The following LEPR variants were observed in gnomAD, a reference collection of about 807,000 sequenced individuals.
LEPR encodes the protein OB receptor.
Under a neutral mutation model 114.7 loss-of-function variants are expected in LEPR, and 56 were observed. The ratio of observed to expected loss-of-function variants is 0.49; its 90% confidence interval spans 0.39 to 0.61. The LOEUF (loss-of-function observed/expected upper bound fraction) is 0.61, where lower values mean the gene tolerates loss of function less well. Ranked by LOEUF, LEPR falls within the 20% of genes least tolerant of loss-of-function variation. LEPR has a pLI of 0.00. For synonymous variants in LEPR, 443 were observed against 461.4 expected, an observed-to-expected ratio of 0.96 and a Z score of 0.51; for missense variants, 1,202 against 1,352.9, an observed-to-expected ratio of 0.89 and a Z score of 1.75.
At position 65,610,269 on chromosome 1, in the gene LEPR, G is replaced by C. The variant is rs1805094; in HGVS notation, c.1968G>C (p.Lys656Asn). Residue 656 changes from lysine to asparagine, a missense_variant, in exon 14 of 20, where the codon AAG (lysine) becomes AAC (asparagine). By Grantham distance (94) the Lys-to-Asn change is moderately conservative (BLOSUM62 0). Transcript: ENST00000349533. ...TAATTAATGGAGATACTATGAAAAA[G>C]GAGAAAAATGTCACTTTACTTTGGA... ...WRIINGDTMKKEKNVTLLWKP... is the reference protein window; with the variant it reads ...WRIINGDTMKNEKNVTLLWKP... 0.17 allele frequency: 270,625 copies of C among 1,611,922 alleles called. 23,611 individuals carry two copies. The highest frequency in any genetic ancestry group is 0.25 in the Middle Eastern group (1,485 of 6,034).
At chr1:65,550,120 G>T (rs1444234253) in intron 2 of LEPR, among the ~76,000 whole-genome samples, 6 of 152,194 alleles carry the variant, frequency 3.9e-5, no homozygotes, top group African/African-American at 9.6e-5. Context: ...AGTGTCTGCA[G>T]AACCGCGGAT....
intron 1 of LEPR, among the ~76,000 whole-genome samples, chr1:65,422,537 C>T (rs1646271380): frequency 6.6e-6 from 1 of 152,224 alleles, no homozygotes; most frequent in African/African-American, 2.4e-5. Context: ...GAAGCTGATG[C>T]AGGTGGGATT....
chr1:65,613,148 G>A (rs1657283792), intron 14 of LEPR, among the ~76,000 whole-genome samples: 1 of 151,968 alleles, frequency 6.6e-6, no homozygotes. Context: ...TATTAGTATG[G>A]ACAATGAACA....
In LEPR at chr1:65,549,801, C is replaced by G. The variant is rs1331027687; in HGVS notation, c.-20-15745C>G. Among the ~76,000 whole-genome samples, 6 of 152,328 alleles carry G rather than the reference C, an allele frequency of 3.9e-5. No individual in the cohort carries two copies. In the East Asian group the frequency reaches 1.2e-3, roughly 29 times the overall value. ...GAGTAGTTTGATCGTCTGAAGCTTT[C>G]TTCTCTCACCTCGTCAAAGTCATTC... On this transcript the variant is annotated intron_variant, in intron 2 of 19. Transcript: ENST00000349533.
chr1:65,635,173 A>G (rs1035703937), intron 19 of LEPR: 1 of 956,178 alleles, frequency 1.0e-6, no homozygotes, highest in African/African-American at 1.8e-5. Context: ...TCTGAATTCT[A>G]TTAGTTTAAA....
At chr1:65,463,475 C>A (rs560458760) in intron 2 of LEPR, among the ~76,000 whole-genome samples, 70 of 152,104 alleles carry the variant, frequency 4.6e-4, no homozygotes, top group Non-Finnish European at 9.1e-4. Context: ...CAGCTTTGTT[C>A]TTTTTGCTTA....
At chr1:65,509,164 T>C (rs1232508903) in intron 2 of LEPR, among the ~76,000 whole-genome samples, 2 of 152,166 alleles carry the variant, frequency 1.3e-5, no homozygotes, top group African/African-American at 4.8e-5. Flanking sequence ...TCTTTCCAAT[T>C]TGGATGCCTT....
chr1:65,495,970 G>A (rs1456333381), intron 2 of LEPR, among the ~76,000 whole-genome samples: 2 of 152,110 alleles, frequency 1.3e-5, no homozygotes, highest in Non-Finnish European at 2.9e-5. Context: ...GGAAGAATAA[G>A]TTCAAGTGTT....
At chr1:65,535,421 A>G (rs910819879) in intron 2 of LEPR, among the ~76,000 whole-genome samples, 3 of 151,688 alleles carry the variant, frequency 2.0e-5, no homozygotes, top group Non-Finnish European at 4.4e-5. Flanking sequence ...GCTGAAGTGC[A>G]GTGGCATGAT....
chr1:65,490,140 A>G (rs1647787128), intron 2 of LEPR, among the ~76,000 whole-genome samples: 1 of 152,136 alleles, frequency 6.6e-6, no homozygotes, highest in Non-Finnish European at 1.5e-5. Flanking sequence ...GAGGGCTAAA[A>G]GACTTAATGA....
chr1:65,608,292 G>A (rs886964177), intron 11 of LEPR, among the ~76,000 whole-genome samples: 7 of 151,068 alleles, frequency 4.6e-5, no homozygotes, highest in African/African-American at 7.3e-5. Flanking sequence ...GTGCAGTGGC[G>A]CAATCTCGGC....
At chr1:65,453,003 C>T (rs1336301991) in intron 2 of LEPR, among the ~76,000 whole-genome samples, 11 of 152,254 alleles carry the variant, frequency 7.2e-5, no homozygotes. Context: ...CTGGTTTAGT[C>T]TTGGGAGAGT....
intron 2 of LEPR, among the ~76,000 whole-genome samples, chr1:65,491,464 T>A (rs1307098890): frequency 6.6e-6 from 1 of 152,118 alleles, no homozygotes. Flanking sequence ...TACCCACTAT[T>A]GCTAAGTGAC....
In LEPR at chr1:65,583,618, G is replaced by A. The variant is rs149157451; in HGVS notation, c.495-9039G>A. The stretch of plus-strand genomic sequence containing the variant: ...AAATTAGTGCTCAAGTAACTTAACT[G>A]ACTTTCAGAACAAAATCCAACACTC... On this transcript the variant is annotated intron_variant, in intron 5 of 19. Transcript: ENST00000349533. Among the ~76,000 whole-genome samples the A allele has an allele frequency of 7.2e-5, 11 of 152,186 alleles. No homozygotes were observed. The East Asian group carries it at 1.5e-3, about 21-fold the overall frequency.
chr1:65,471,825 A>G (rs1570515135), intron 2 of LEPR, among the ~76,000 whole-genome samples: 1 of 152,194 alleles, frequency 6.6e-6, no homozygotes. Flanking sequence ...ATTTGACTTT[A>G]ATAAATTTCA....
At position 65,636,488 on chromosome 1, in the gene LEPR, A is replaced by G. The variant is rs757420881; in HGVS notation, c.2971A>G (p.Ser991Gly). 4 of 1,613,998 alleles carry G rather than the reference A, an allele frequency of 2.5e-6. No homozygotes were observed. The Admixed American group carries it at 5.0e-5, about 20-fold the overall frequency. The change falls in exon 20 of 20, where the codon AGC becomes GGC. Residue 991 changes from serine (S) to glycine (G), a missense_variant. By Grantham distance (56) the Ser-to-Gly change is moderately conservative. Transcript: ENST00000349533. ...CTTTGTTAAATACGCCACGCTGATC[A>G]GCAACTCTAAACCAAGTGAAACTGG... The part of the protein sequence containing the change: ...QPFVKYATLI[S>G]NSKPSETGEE...
chr1:65,538,608 A>T (rs1002495288), intron 2 of LEPR, among the ~76,000 whole-genome samples: 4 of 152,176 alleles, frequency 2.6e-5, no homozygotes, highest in Non-Finnish European at 5.9e-5. Context: ...TTCTAAACTG[A>T]AAAGAATTTT....
chr1:65,632,496 G>C (rs1352509377), intron 19 of LEPR, among the ~76,000 whole-genome samples: 1 of 152,074 alleles, frequency 6.6e-6, no homozygotes, highest in African/African-American at 2.4e-5. Context: ...ATTTGTGTTT[G>C]GGACAACCTT....
At chr1:65,447,151 A>G (rs968715403) in intron 2 of LEPR, among the ~76,000 whole-genome samples, 1 of 151,886 alleles carries the variant, frequency 6.6e-6, no homozygotes, top group Non-Finnish European at 1.5e-5. Context: ...TAGTTTTGGC[A>G]TCTTCTTAGA....
Sources: gnomAD v4.1 joint callset for allele counts (sites outside exome capture counted in the v4.1 genomes callset) on GRCh38, gnomAD v4.1.1 for gene constraint, MANE v1.5 for transcripts, NCBI Gene and HGNC (gene_info 2026-07-23, HGNC 2026-07-21) for gene names.